CHST15: variants seen among roughly 807,000 people sequenced by gnomAD.
CHST15 encodes carbohydrate sulfotransferase 15, also known as B cell RAG associated protein (GALNAC4S-6ST).
In CHST15, 30 loss-of-function variants were observed where a neutral mutation model predicts 53.6. The observed-to-expected ratio is 0.56, with a 90% CI of 0.42 to 0.76. The LOEUF (loss-of-function observed/expected upper bound fraction) is 0.76. Among genes scored for constraint, CHST15 ranks in the 30% least tolerant of loss-of-function variants. CHST15 has a pLI of 0.00. For synonymous variants in CHST15, 296 were observed against 289.8 expected (o/e 1.02, Z -0.22); for missense variants, 627 against 740.5 (o/e 0.85, Z 1.78).
intron 5 of CHST15, among the ~76,000 whole-genome samples, chr10:124,030,978 C>A (rs186215069): frequency 6.6e-6 from 1 of 152,220 alleles, no homozygotes; most frequent in East Asian, 1.9e-4. Flanking sequence ...CCACAAATAC[C>A]GGGTCCTTCC....
intron 1 of CHST15, among the ~76,000 whole-genome samples, chr10:124,090,239 G>T (rs534508290): frequency 4.6e-5 from 7 of 152,316 alleles, no homozygotes; most frequent in Non-Finnish European, 8.8e-5. Context: ...AAATACCCAG[G>T]CTGGAGAATC....
intron 4 of CHST15, among the ~76,000 whole-genome samples, chr10:124,040,101 A>G (rs1947679971): frequency 6.6e-6 from 1 of 152,222 alleles, no homozygotes; most frequent in Non-Finnish European, 1.5e-5. Context: ...CTCACAATGA[A>G]TAAGAATATA....
At chr10:124,032,386 T>C (rs1947257121) in intron 5 of CHST15, among the ~76,000 whole-genome samples, 1 of 152,120 alleles carries the variant, frequency 6.6e-6, no homozygotes, top group Non-Finnish European at 1.5e-5. Flanking sequence ...GTAAAATCCT[T>C]AACAGATGGT....
chr10:124,062,013 A>T (rs78542751), intron 1 of CHST15, among the ~76,000 whole-genome samples: 1,108 of 57,924 alleles, frequency 0.019, 9 homozygotes, highest in African/African-American at 0.087. Context: ...TAAATCATTA[A>T]AAAAAAAAAA....
intron 1 of CHST15, among the ~76,000 whole-genome samples, chr10:124,091,339 G>C (rs1469044545): frequency 1.3e-5 from 2 of 152,196 alleles, no homozygotes; most frequent in African/African-American, 4.8e-5. Context: ...TGCCGGTCCT[G>C]GGAGGAGAAG....
In CHST15 at chr10:124,054,240, T is replaced by C. The variant is rs144013496; in HGVS notation, c.-512-7516A>G. 7.9e-3 allele frequency among the ~76,000 whole-genome samples: 1,202 copies of C among 152,318 alleles called. 28 individuals carry two copies. Among genetic ancestry groups the C allele is most frequent in the Admixed American group, 0.038 (574 of 15,294 alleles). Reference sequence around the variant, plus strand: ...CCTGATGACTGGGACACATCACCCGTGCTTTGTCTAAAACAGGTATTCTCA... The same window carrying C: ...CCTGATGACTGGGACACATCACCCGCGCTTTGTCTAAAACAGGTATTCTCA... On this transcript the variant is annotated intron_variant, in intron 1 of 7. Coordinates refer to ENST00000435907, the MANE Select transcript of CHST15 (RefSeq NM_001270764.2).
In CHST15 at chr10:124,044,824, G is replaced by T. The variant is rs1416950800; in HGVS notation, c.642C>A (p.Leu214=). 2.5e-6 allele frequency: 4 copies of T among 1,581,478 alleles called. No individual in the cohort carries two copies. Among genetic ancestry groups the T allele is most frequent in the Non-Finnish European group, 2.6e-6 (3 of 1,161,158 alleles). The change falls in exon 3 of 8, where the codon CTC becomes CTA. Residue 214 remains leucine (L), a synonymous_variant. Transcript: ENST00000435907. ...TGGAGTAGAGCACGTAGGAGTTGGTGAGGTAGGGGTCGGTGGTGTTCTGCC... is the reference window on the plus strand; with the variant it reads ...TGGAGTAGAGCACGTAGGAGTTGGTTAGGTAGGGGTCGGTGGTGTTCTGCC... ...FSGQNTTDPY[L]TNSYVLYSKR... is the part of the protein sequence containing the mutation.
At chr10:124,055,592 G>T (rs1453260652) in intron 1 of CHST15, among the ~76,000 whole-genome samples, 1 of 152,210 alleles carries the variant, frequency 6.6e-6, no homozygotes, top group Non-Finnish European at 1.5e-5. Context: ...AAGTTCTACA[G>T]TAGAACAAGG....
chr10:124,043,231 C>T (rs1947807437), intron 3 of CHST15, among the ~76,000 whole-genome samples: 3 of 152,182 alleles, frequency 2.0e-5, no homozygotes. Flanking sequence ...CGCCTCTGTT[C>T]TTCCTCCTTT....
chr10:124,007,980 T>C lies in CHST15; in HGVS notation c.*2169A>G. 1 of 1,156,008 alleles carries C rather than the reference T, an allele frequency of 8.7e-7. No individual in the cohort carries two copies. The highest frequency in any genetic ancestry group is 3.7e-5 in the East Asian group (1 of 27,264). The allele number at this position is 1,156,008 out of a possible 1,614,324, so 71.6% of individuals were successfully genotyped here. On this transcript the variant is annotated 3_prime_UTR_variant, in exon 8 of 8. Transcript: ENST00000435907. Reference sequence around the variant, plus strand: ...GGAAGCAGAGGCAGCCGAAGTGCCCTCTGGAGAGAAAGGCCCCTGGAGGGA... The same window carrying C: ...GGAAGCAGAGGCAGCCGAAGTGCCCCCTGGAGAGAAAGGCCCCTGGAGGGA...
In CHST15 at chr10:124,009,548, A is replaced by T. The variant is rs1391764537; in HGVS notation, c.*601T>A. Reference sequence around the variant, plus strand: ...TGAGTTTGGAGTAAAGGAGAAAAAAAAAATGAAGAGCCTCCATTCTCGAAA... The same window carrying T: ...TGAGTTTGGAGTAAAGGAGAAAAAATAAATGAAGAGCCTCCATTCTCGAAA... On this transcript the variant is annotated 3_prime_UTR_variant, in exon 8 of 8. Coordinates refer to ENST00000435907, the MANE Select transcript of CHST15 (RefSeq NM_001270764.2). 2 of 988,976 alleles carry T rather than the reference A, an allele frequency of 2.0e-6. No homozygotes were observed. Among genetic ancestry groups the T allele is most frequent in the Non-Finnish European group, 2.4e-6 (2 of 831,938 alleles). 61.3% of individuals were successfully genotyped at this position (988,976 alleles called of 1,614,324 possible).
At chr10:124,013,577 G>A (rs1345883464) in intron 6 of CHST15, among the ~76,000 whole-genome samples, 1 of 152,212 alleles carries the variant, frequency 6.6e-6, no homozygotes, top group Non-Finnish European at 1.5e-5. Context: ...AGTGTGTTCT[G>A]AGAATCCTTC....
At chr10:124,090,679 G>A (rs1949576070) in intron 1 of CHST15, among the ~76,000 whole-genome samples, 1 of 152,226 alleles carries the variant, frequency 6.6e-6, no homozygotes, top group Non-Finnish European at 1.5e-5. Context: ...CAGCAACCAG[G>A]GATGACAAAG....
chr10:124,021,985 G>A (rs1946805893), intron 5 of CHST15, among the ~76,000 whole-genome samples: 1 of 152,144 alleles, frequency 6.6e-6, no homozygotes, highest in Non-Finnish European at 1.5e-5. Flanking sequence ...CATATGCACA[G>A]GAATACCTGC....
intron 5 of CHST15, among the ~76,000 whole-genome samples, chr10:124,032,320 G>A (rs1043915945): frequency 6.6e-6 from 1 of 152,094 alleles, no homozygotes; most frequent in Non-Finnish European, 1.5e-5. Flanking sequence ...GTGGTGGGTT[G>A]TTTCTGGGCA....
chr10:124,021,132 T>C (rs1200957519), intron 6 of CHST15, 124 bp downstream of exon 6: 6 of 1,524,944 alleles, frequency 3.9e-6, no homozygotes, highest in Non-Finnish European at 2.6e-6. Context: ...CATTTGCACA[T>C]TAAAACGCTT....
chr10:124,091,628 T>A (rs931289635), intron 1 of CHST15, among the ~76,000 whole-genome samples: 1 of 152,202 alleles, frequency 6.6e-6, no homozygotes, highest in Non-Finnish European at 1.5e-5. Flanking sequence ...GCTTGTCACA[T>A]CCCTCTGCGG....
intron 1 of CHST15, among the ~76,000 whole-genome samples, chr10:124,078,336 T>C (rs937757753): frequency 7.9e-5 from 12 of 152,216 alleles, no homozygotes; most frequent in Non-Finnish European, 1.5e-5. Flanking sequence ...TCCTCTGAAC[T>C]CAGTTCTTAC....
intron 3 of CHST15, among the ~76,000 whole-genome samples, chr10:124,044,033 A>G (rs1331575127): frequency 6.6e-6 from 1 of 150,384 alleles, no homozygotes; most frequent in East Asian, 2.0e-4. Flanking sequence ...AGCAGGGAGC[A>G]GCACAGAGCC....
Sources: allele counts gnomAD v4.1 joint callset (sites outside exome capture counted in the v4.1 genomes callset), GRCh38; gene constraint gnomAD v4.1.1; transcripts MANE v1.5; gene names NCBI Gene and HGNC (gene_info 2026-07-23, HGNC 2026-07-21).